PDE3A: variants seen among roughly 807,000 people sequenced by gnomAD.
PDE3A encodes the protein phosphodiesterase 3A, also known as cGMP-inhibited 3',5'-cyclic phosphodiesterase 3A.
Under a neutral mutation model 98.3 loss-of-function variants are expected in PDE3A, and 43 were observed. The ratio of observed to expected loss-of-function variants is 0.44; its 90% CI spans 0.34 to 0.56. The LOEUF (loss-of-function observed/expected upper bound fraction) is 0.56, where lower values mean the gene tolerates loss of function less well. Among genes scored for constraint, PDE3A ranks in the 20% least tolerant of loss-of-function variants. PDE3A has a pLI of 0.01. For missense variants in PDE3A, 1,427 were observed against 1,440.7 expected, an observed-to-expected ratio of 0.99 and a Z score of 0.15; for synonymous variants, 663 against 567.9, an observed-to-expected ratio of 1.17 and a Z score of -2.38.
intron 1 of PDE3A, among the ~76,000 whole-genome samples, chr12:20,521,051 T>C (rs2121150653): frequency 6.6e-6 from 1 of 152,274 alleles, no homozygotes; most frequent in African/African-American, 2.4e-5. Context: ...CATATTTTGT[T>C]GCAAGTGCCA....
chr12:20,518,577 C>G lies in PDE3A; in HGVS notation c.961-38083C>G, dbSNP rs532856258. On this transcript the variant is annotated intron_variant, in intron 1 of 15. Transcript: ENST00000359062. The stretch of plus-strand genomic sequence containing the variant: ...AACTATTCTGTCATTAAAAAAAAAG[C>G]CTTCCTAGTGTTGGATTGGAGTATT... Among the ~76,000 whole-genome samples, 980 of 151,914 alleles carry G rather than the reference C, an allele frequency of 6.5e-3. 11 individuals are homozygous for G. Among genetic ancestry groups the G allele is most frequent in the African/African-American group, 0.022 (912 of 41,438 alleles).
chr12:20,540,549 G>A (rs545133282), intron 1 of PDE3A, among the ~76,000 whole-genome samples: 2 of 152,166 alleles, frequency 1.3e-5, no homozygotes, highest in Non-Finnish European at 2.9e-5. Context: ...CAACTTCTAC[G>A]AAAGTGTAAA....
Position 20,369,387 on chromosome 12 carries a change from C to A in PDE3A, c.103C>A (p.Pro35Thr). Reference sequence around the variant, plus strand: ...CCGGGACTGCCACCATCGTGCGGACCCCGCATCGCCGCGGGACTCGGGCTG... The same window carrying A: ...CCGGGACTGCCACCATCGTGCGGACACCGCATCGCCGCGGGACTCGGGCTG... ...AGRDCHHRAD[P>T]ASPRDSGCRG... The change falls in exon 1 of 16, where the codon CCC becomes ACC. Residue 35 changes from proline to threonine, a missense_variant. Transcript: ENST00000359062. The A allele has an allele frequency of 6.4e-7, 1 of 1,550,838 alleles. No homozygotes were observed. Among genetic ancestry groups the A allele is most frequent in the Middle Eastern group, 1.8e-4 (1 of 5,666 alleles).
chr12:20,382,404 C>T (rs1401717332), intron 1 of PDE3A, among the ~76,000 whole-genome samples: 2 of 151,860 alleles, frequency 1.3e-5, no homozygotes, highest in Admixed American at 1.3e-4. Context: ...GTTTATGAAC[C>T]TATGACATTC....
At chr12:20,629,289 T>A (rs768660171) in intron 5 of PDE3A, among the ~76,000 whole-genome samples, 5 of 152,214 alleles carry the variant, frequency 3.3e-5, no homozygotes, top group Non-Finnish European at 5.9e-5. Flanking sequence ...GTCTATTGTT[T>A]GCTCTGAAAT....
intron 1 of PDE3A, among the ~76,000 whole-genome samples, chr12:20,452,799 G>A (rs1293962217): frequency 6.6e-5 from 10 of 152,160 alleles, no homozygotes; most frequent in Admixed American, 6.5e-4. Flanking sequence ...CAAACACATG[G>A]AAGGGAAGCA....
At chr12:20,574,975 A>G (rs192579390) in intron 2 of PDE3A, among the ~76,000 whole-genome samples, 22 of 152,126 alleles carry the variant, frequency 1.4e-4, no homozygotes, top group Admixed American at 2.0e-4. Flanking sequence ...CAAGCCCCCA[A>G]ATGGAAATAT....
At chr12:20,496,046 G>A (rs1036144360) in intron 1 of PDE3A, among the ~76,000 whole-genome samples, 2 of 151,824 alleles carry the variant, frequency 1.3e-5, no homozygotes, top group African/African-American at 2.4e-5. Context: ...CCCCTCTTTC[G>A]TACTCTTAAT....
At chr12:20,447,489 A>G (rs1944977237) in intron 1 of PDE3A, among the ~76,000 whole-genome samples, 1 of 152,236 alleles carries the variant, frequency 6.6e-6, no homozygotes, top group South Asian at 2.1e-4. Context: ...GGCCAGTGAT[A>G]CAGTCAGTCA....
chr12:20,677,426 T>C (rs1375667338), intron 15 of PDE3A, among the ~76,000 whole-genome samples: 1 of 151,556 alleles, frequency 6.6e-6, no homozygotes, highest in Non-Finnish European at 1.5e-5. Context: ...GGTATCTGTG[T>C]ATCTGGTGTA....
At chr12:20,409,678 T>G (rs1369579051) in intron 1 of PDE3A, among the ~76,000 whole-genome samples, 1 of 152,178 alleles carries the variant, frequency 6.6e-6, no homozygotes, top group Non-Finnish European at 1.5e-5. Flanking sequence ...TTAATAGTCT[T>G]TCTGTTACAA....
At chr12:20,509,947 A>G (rs1164719295) in intron 1 of PDE3A, among the ~76,000 whole-genome samples, 1 of 151,956 alleles carries the variant, frequency 6.6e-6, no homozygotes, top group African/African-American at 2.4e-5. Flanking sequence ...AGCCATTTGT[A>G]TTTTTTCTCA....
intron 1 of PDE3A, among the ~76,000 whole-genome samples, chr12:20,523,073 G>T (rs1946458454): frequency 6.6e-6 from 1 of 151,928 alleles, no homozygotes; most frequent in Non-Finnish European, 1.5e-5. Context: ...GGTGGGGTGG[G>T]TGGCATTAGG....
At chr12:20,426,453 T>C (rs552120599) in intron 1 of PDE3A, among the ~76,000 whole-genome samples, 10 of 152,290 alleles carry the variant, frequency 6.6e-5, no homozygotes, top group African/African-American at 2.2e-4. Context: ...AGTAACATAG[T>C]TGACGTACTT....
At chr12:20,671,629 G>A (rs1438419575) in intron 15 of PDE3A, among the ~76,000 whole-genome samples, 1 of 150,738 alleles carries the variant, frequency 6.6e-6, no homozygotes, top group African/African-American at 2.4e-5. Flanking sequence ...TGCAGAAAAA[G>A]CCTTTGACAA....
At chr12:20,601,536 A>G (rs1164072857) in intron 2 of PDE3A, among the ~76,000 whole-genome samples, 1 of 152,238 alleles carries the variant, frequency 6.6e-6, no homozygotes, top group African/African-American at 2.4e-5. Flanking sequence ...TTTTAATCAC[A>G]GTAGAAAATT....
chr12:20,445,527 C>T (rs1335311676), intron 1 of PDE3A, among the ~76,000 whole-genome samples: 1 of 152,108 alleles, frequency 6.6e-6, no homozygotes, highest in Non-Finnish European at 1.5e-5. Context: ...TGAGGTGAAG[C>T]TGTATTAAAA....
intron 1 of PDE3A, among the ~76,000 whole-genome samples, chr12:20,389,124 G>A (rs1391542063): frequency 2.0e-5 from 3 of 151,928 alleles, no homozygotes; most frequent in African/African-American, 4.8e-5. Context: ...CAGTTTTTAC[G>A]GTTCTGTCGA....
chr12:20,587,260 T>G (rs2121363603), intron 2 of PDE3A, among the ~76,000 whole-genome samples: 1 of 152,188 alleles, frequency 6.6e-6, no homozygotes, highest in African/African-American at 2.4e-5. Flanking sequence ...TCCCAGCTAC[T>G]CAGGAGGCTG....
Sources: gnomAD v4.1 joint callset for allele counts (sites outside exome capture counted in the v4.1 genomes callset) on GRCh38, gnomAD v4.1.1 for gene constraint, MANE v1.5 for transcripts, NCBI Gene and HGNC (gene_info 2026-07-23, HGNC 2026-07-21) for gene names.